Variants in PHTF2 observed in about 807,000 individuals in gnomAD.
The protein encoded by PHTF2 is putative homeodomain transcription factor 2.
In PHTF2, 60 loss-of-function variants were observed where a neutral mutation model predicts 101.2. The observed-to-expected ratio is 0.59, with a 90% CI of 0.48 to 0.73. The LOEUF (loss-of-function observed/expected upper bound fraction) is 0.73. PHTF2 is among the 30% of genes least tolerant of loss of function. The pLI is 0.00. For synonymous variants in PHTF2, 311 were observed against 307.3 expected (o/e 1.01, Z -0.13); for missense variants, 747 against 908.7 (o/e 0.82, Z 2.29).
rs1584713219 is a variant in PHTF2, at chr7:77,920,220, C to T, written c.777-59C>T. On this transcript the variant is annotated intron_variant, in intron 9 of 19. Coordinates refer to ENST00000416283, the Ensembl canonical transcript of PHTF2. Reference sequence around the variant, plus strand: ...ATTATTAACAGATTATAATTTCTATCAGTAACCTATCCAAAATAAGCTAAG... The same window carrying T: ...ATTATTAACAGATTATAATTTCTATTAGTAACCTATCCAAAATAAGCTAAG... 3.5e-6 allele frequency: 3 copies of T among 853,220 alleles called. No homozygotes were observed. The East Asian group carries it at 8.0e-5, about 23-fold the overall frequency. 52.9% of individuals were successfully genotyped at this position (853,220 alleles called of 1,614,324 possible).
At chr7:77,809,700 A>G (rs531429771) in intron 1 of PHTF2, among the ~76,000 whole-genome samples, 2 of 152,342 alleles carry the variant, frequency 1.3e-5, no homozygotes, top group Admixed American at 6.5e-5. Context: ...GACTGAAAAT[A>G]CTACTATGAT....
chr7:77,950,736 A>G (rs150618182), intron 17 of PHTF2, among the ~76,000 whole-genome samples: 29 of 152,196 alleles, frequency 1.9e-4, no homozygotes, highest in Middle Eastern at 6.8e-3. Flanking sequence ...ATGGTTTCTC[A>G]TTTCCACCCT....
chr7:77,954,612 G>GTGTGTATATATATATATATA lies in PHTF2; in HGVS notation c.2338-245_2338-244insGTGTATATATATATATATAT, dbSNP rs1426693429. 5.4e-4 allele frequency among the ~76,000 whole-genome samples: 49 copies of GTGTGTATATATATATATATA among 90,182 alleles called. 1 individual carries two copies. The highest frequency in any genetic ancestry group is 1.0e-3 in the African/African-American group (21 of 21,054). The allele number at this position is 90,182 out of a possible 152,430, so 59.2% of individuals were successfully genotyped here. On this transcript the variant is annotated intron_variant, in intron 19 of 19. Coordinates refer to ENST00000416283, the Ensembl canonical transcript of PHTF2. ...GATAATCATATTAAACAAGTACTGT[G>GTGTGTATATATATATATATA]TATATATATATATATATATATATAT...
intron 1 of PHTF2, among the ~76,000 whole-genome samples, chr7:77,805,585 C>T (rs1251232831): frequency 1.3e-5 from 2 of 152,122 alleles, no homozygotes; most frequent in African/African-American, 2.4e-5. Context: ...CTACATCTCA[C>T]GAATTTTGAT....
At chr7:77,799,561 A>G (rs1792365741) in intron 1 of PHTF2, among the ~76,000 whole-genome samples, 2 of 152,244 alleles carry the variant, frequency 1.3e-5, no homozygotes, top group East Asian at 3.8e-4. Context: ...ATGGGCCTTA[A>G]GGGATAGTTC....
chr7:77,883,471 T>C (rs976885500), intron 3 of PHTF2, among the ~76,000 whole-genome samples: 1 of 152,184 alleles, frequency 6.6e-6, no homozygotes, highest in Non-Finnish European at 1.5e-5. Flanking sequence ...CTTAACTTTG[T>C]TATATCACTT....
chr7:77,926,115 A>G (rs1210603494), intron 11 of PHTF2, among the ~76,000 whole-genome samples: 1 of 152,188 alleles, frequency 6.6e-6, no homozygotes, highest in Non-Finnish European at 1.5e-5. Context: ...ACACTTCTAA[A>G]GAATTATAGA....
intron 12 of PHTF2, among the ~76,000 whole-genome samples, chr7:77,935,021 TG>T (rs1354501414): frequency 6.6e-6 from 1 of 152,008 alleles, no homozygotes; most frequent in African/African-American, 2.4e-5. Context: ...TGAAATTATT[TG>T]CTCTGATGTT....
At chr7:77,884,229 T>C (rs1799634398) in intron 3 of PHTF2, among the ~76,000 whole-genome samples, 1 of 152,246 alleles carries the variant, frequency 6.6e-6, no homozygotes, top group Non-Finnish European at 1.5e-5. Flanking sequence ...CTTTTTAAAA[T>C]TAAAAAAGAA....
intron 9 of PHTF2, among the ~76,000 whole-genome samples, chr7:77,916,199 C>T (rs1802910779): frequency 6.6e-6 from 1 of 152,112 alleles, no homozygotes; most frequent in African/African-American, 2.4e-5. Context: ...ATAGAATTAA[C>T]TTCCCTTTTA....
intron 5 of PHTF2, among the ~76,000 whole-genome samples, chr7:77,896,959 G>A (rs764110210): frequency 1.2e-4 from 18 of 152,092 alleles, no homozygotes; most frequent in Non-Finnish European, 1.8e-4. Context: ...TTGCTAAAGC[G>A]TAAAACCTTT....
intron 1 of PHTF2, among the ~76,000 whole-genome samples, chr7:77,821,072 T>C (rs1794248928): frequency 6.6e-6 from 1 of 152,212 alleles, no homozygotes; most frequent in Non-Finnish European, 1.5e-5. Context: ...AAGGTTTTAT[T>C]TCTCCTTCAT....
intron 12 of PHTF2, among the ~76,000 whole-genome samples, chr7:77,929,944 C>T (rs571321651): frequency 2.0e-5 from 3 of 148,984 alleles, no homozygotes; most frequent in Admixed American, 2.0e-4. Flanking sequence ...TTGGACTAGC[C>T]ACATTTTTTT....
intron 3 of PHTF2, among the ~76,000 whole-genome samples, chr7:77,860,587 A>G (rs1265163944): frequency 6.6e-6 from 1 of 152,258 alleles, no homozygotes; most frequent in African/African-American, 2.4e-5. Context: ...ATAAACACCA[A>G]GTACAGTGCT....
chr7:77,814,769 G>A (rs1424470561), intron 1 of PHTF2, among the ~76,000 whole-genome samples: 1 of 152,032 alleles, frequency 6.6e-6, no homozygotes, highest in African/African-American at 2.4e-5. Flanking sequence ...CCCGGTCTGG[G>A]GGGGCATTTT....
intron 8 of PHTF2, chr7:77,909,527 G>GT (rs1160729139): frequency 1.3e-5 from 2 of 151,574 alleles, no homozygotes; most frequent in Non-Finnish European, 2.9e-5. Context: ...CACCTGACTA[G>GT]TTTTTTTATT....
At chr7:77,837,964 C>G (rs1289040385) in intron 1 of PHTF2, among the ~76,000 whole-genome samples, 1 of 151,950 alleles carries the variant, frequency 6.6e-6, no homozygotes, top group Admixed American at 6.5e-5. Context: ...GTTAGATAAT[C>G]TGGAATATTT....
chr7:77,898,450 A>G (rs1801076373), intron 5 of PHTF2, among the ~76,000 whole-genome samples: 1 of 152,244 alleles, frequency 6.6e-6, no homozygotes. Context: ...TGCTTTATTA[A>G]TGAAGTTTTG....
chr7:77,845,475 T>G (rs986701220), intron 2 of PHTF2, among the ~76,000 whole-genome samples: 1 of 152,234 alleles, frequency 6.6e-6, no homozygotes, highest in African/African-American at 2.4e-5. Context: ...TGAATATGTT[T>G]AATGGCCTTT....
Sources: allele counts gnomAD v4.1 joint callset (sites outside exome capture counted in the v4.1 genomes callset), GRCh38; gene constraint gnomAD v4.1.1; transcripts MANE v1.5; gene names NCBI Gene and HGNC (gene_info 2026-07-23, HGNC 2026-07-21).